The following PCDHA6 variants were observed in gnomAD, a reference collection of about 807,000 sequenced individuals.
The protein encoded by PCDHA6 is protocadherin alpha-6.
Under a neutral mutation model 60.3 loss-of-function variants are expected in PCDHA6, and 55 were observed. That is an observed-to-expected ratio of 0.91 (90% CI 0.73 to 1.14). PCDHA6 has a LOEUF of 1.14. PCDHA6 is among the 50% of genes most tolerant of loss of function. PCDHA6 has a pLI of 0.00. For missense variants in PCDHA6, 1,327 were observed against 1,256.5 expected, an observed-to-expected ratio of 1.06 and a Z score of -0.85; for synonymous variants, 652 against 557.9, an observed-to-expected ratio of 1.17 and a Z score of -2.38.
At chr5:140,903,229 T>C (rs2153479721) in intron 1 of PCDHA6, among the ~76,000 whole-genome samples, 1 of 152,340 alleles carries the variant, frequency 6.6e-6, no homozygotes, top group South Asian at 2.1e-4. Flanking sequence ...CATCTATTAC[T>C]TTTTGATTTT....
rs782119738 is a variant in PCDHA6, at chr5:140,927,224, G to A, written c.2395-51725G>A. ...GACCCGCTGGAGCTGCACAAGATTC[G>A]GATTCACGTCCTGGACACCAATGAC... On this transcript the variant is annotated intron_variant, in intron 1 of 3. Coordinates refer to ENST00000529310, the MANE Select transcript of PCDHA6 (RefSeq NM_018909.4). 3 of 1,614,072 alleles carry A rather than the reference G, an allele frequency of 1.9e-6. No homozygotes were observed. The South Asian group carries it at 3.3e-5, about 18-fold the overall frequency.
intron 1 of PCDHA6, chr5:140,928,442 A>G (rs781976941): frequency 1.2e-6 from 2 of 1,614,166 alleles, no homozygotes; most frequent in South Asian, 1.1e-5. Flanking sequence ...GACTTTGAGC[A>G]GCTCAGGGGG....
intron 1 of PCDHA6, chr5:140,968,754 G>T: frequency 1.2e-6 from 2 of 1,614,170 alleles, no homozygotes; most frequent in Non-Finnish European, 1.7e-6. Flanking sequence ...GTGGTGGTCC[G>T]AGATAATGGA....
chr5:140,908,442 T>A (rs2073975632), intron 1 of PCDHA6, among the ~76,000 whole-genome samples: 1 of 152,160 alleles, frequency 6.6e-6, no homozygotes, highest in Non-Finnish European at 1.5e-5. Flanking sequence ...CACCCCACTT[T>A]ATGGCTAGAT....
At chr5:140,956,363 A>G (rs938643620) in intron 1 of PCDHA6, among the ~76,000 whole-genome samples, 2 of 152,026 alleles carry the variant, frequency 1.3e-5, no homozygotes, top group African/African-American at 4.8e-5. Context: ...ACATGAAGGG[A>G]TGTTGAATTT....
intron 1 of PCDHA6, chr5:140,842,147 G>A: frequency 6.2e-7 from 1 of 1,613,842 alleles, no homozygotes; most frequent in Non-Finnish European, 8.5e-7. Flanking sequence ...AGCCAATGGG[G>A]CAATTTCATA....
chr5:141,009,709 C>T lies in PCDHA6; in HGVS notation c.2625C>T (p.Asn875=). The part of the protein sequence containing the change: ...NSWTFKYGPG[N]PKQSGPGELP... ...GGACCTTTAAATACGGACCAGGCAA[C>T]CCCAAACAATCCGGTCCCGGTGAGT... The change falls in exon 4 of 4, where the codon AAC becomes AAT. Residue 875 remains asparagine (N), a synonymous_variant. Coordinates refer to ENST00000529310, the MANE Select transcript of PCDHA6 (RefSeq NM_018909.4). 1 of 1,614,118 alleles carries T rather than the reference C, an allele frequency of 6.2e-7. No homozygotes were observed. Among genetic ancestry groups the T allele is most frequent in the Non-Finnish European group, 8.5e-7 (1 of 1,180,024 alleles).
Position 140,969,197 on chromosome 5 carries a change from A to G in PCDHA6, c.2395-9752A>G, listed in dbSNP as rs782342139. 4 of 1,614,132 alleles carry G rather than the reference A, an allele frequency of 2.5e-6. No individual in the cohort carries two copies. In the South Asian group the frequency reaches 4.4e-5, roughly 18 times the overall value. On this transcript the variant is annotated intron_variant, in intron 1 of 3. Coordinates refer to ENST00000529310, the MANE Select transcript of PCDHA6 (RefSeq NM_018909.4). ...GAGTGACACTTTCATGTTTTACAAT[A>G]CAGGGGCCCAGACAGGACCAGGGCC...
rs1554131594 is a variant in PCDHA6, at chr5:140,828,846, T to C, written c.755T>C (p.Phe252Ser). ...FEQSEYEVRI[F>S]ENADNGTTVI... ...CAGTCTGAATACGAAGTAAGAATAT[T>C]CGAAAATGCAGACAACGGAACAACA... The change falls in exon 1 of 4, where the codon TTC (phenylalanine) becomes TCC (serine). Residue 252 changes from phenylalanine (F) to serine (S), a missense_variant. Phe to Ser is a radical substitution (Grantham distance 155, BLOSUM62 -2). Coordinates refer to ENST00000529310, the MANE Select transcript of PCDHA6 (RefSeq NM_018909.4). The C allele has an allele frequency of 2.5e-6, 4 of 1,614,040 alleles. No individual in the cohort carries two copies.
chr5:140,882,897 T>A, intron 1 of PCDHA6: 1 of 1,614,220 alleles, frequency 6.2e-7, no homozygotes, highest in South Asian at 1.1e-5. Context: ...GAACATAGTT[T>A]ATTACTGACA....
chr5:140,836,951 G>GT, intron 1 of PCDHA6: 1 of 428,426 alleles, frequency 2.3e-6, no homozygotes, highest in Non-Finnish European at 4.0e-6. Context: ...AAAATCTATG[G>GT]TTTATGTTGG....
At chr5:141,002,456 A>G (rs2098081347) in intron 3 of PCDHA6, among the ~76,000 whole-genome samples, 1 of 152,242 alleles carries the variant, frequency 6.6e-6, no homozygotes, top group Non-Finnish European at 1.5e-5. Context: ...GCACATTTGT[A>G]TAACGCTTTA....
chr5:140,917,131 G>A (rs572644426), intron 1 of PCDHA6, among the ~76,000 whole-genome samples: 28 of 152,190 alleles, frequency 1.8e-4, no homozygotes, highest in African/African-American at 5.8e-4. Context: ...GACTCCCCAC[G>A]TTGCTCAGCT....
intron 1 of PCDHA6, chr5:140,969,215 C>G (rs782320507): frequency 6.2e-7 from 1 of 1,614,128 alleles, no homozygotes; most frequent in South Asian, 1.1e-5. Flanking sequence ...CCAGACAGGA[C>G]CAGGGCCTTC....
At chr5:140,966,405 A>G (rs562045428) in intron 1 of PCDHA6, 6 of 404,248 alleles carry the variant, frequency 1.5e-5, no homozygotes, top group African/African-American at 1.2e-4. Context: ...TCGGCGCGGA[A>G]TCAGAGCAGG....
intron 1 of PCDHA6, among the ~76,000 whole-genome samples, chr5:140,933,263 A>G (rs1374246908): frequency 6.6e-6 from 1 of 151,986 alleles, no homozygotes; most frequent in Non-Finnish European, 1.5e-5. Context: ...AAAGGTTATT[A>G]TATATTCATT....
At chr5:140,875,202 C>A in intron 1 of PCDHA6, 1 of 611,450 alleles carries the variant, frequency 1.6e-6, no homozygotes, top group Non-Finnish European at 2.5e-6. Context: ...CAGGAAGTGG[C>A]TAAACCGAAA....
chr5:140,830,660 T>A, intron 1 of PCDHA6, 175 bp downstream of exon 1: 1 of 411,746 alleles, frequency 2.4e-6, no homozygotes, highest in Non-Finnish European at 3.9e-6. Flanking sequence ...ATTCATAATT[T>A]AAGTGAAATT....
chr5:140,849,576 G>A (rs2150441030), intron 1 of PCDHA6: 3 of 1,598,698 alleles, frequency 1.9e-6, no homozygotes, highest in Non-Finnish European at 2.6e-6. Flanking sequence ...TCCTGTAAAA[G>A]AGGACGCACA....
Sources: allele counts gnomAD v4.1 joint callset (sites outside exome capture counted in the v4.1 genomes callset), GRCh38; gene constraint gnomAD v4.1.1; transcripts MANE v1.5; gene names NCBI Gene and HGNC (gene_info 2026-07-23, HGNC 2026-07-21).